The following CHRM5 variants were observed in gnomAD, a reference collection of about 807,000 sequenced individuals.
CHRM5 encodes the protein muscarinic acetylcholine receptor M5.
A neutral mutation model predicts 39.0 loss-of-function variants in CHRM5; 18 were observed. That is an observed-to-expected ratio of 0.46 (90% CI 0.32 to 0.68). The LOEUF is 0.68. Among genes scored for constraint, CHRM5 ranks in the 30% least tolerant of loss-of-function variants. The pLI is 0.04. For synonymous variants in CHRM5, 241 were observed against 246.3 expected (o/e 0.98, Z 0.20); for missense variants, 515 against 651.1 (o/e 0.79, Z 2.28).
At chr15:33,994,584 A>G (rs1457484417) in intron 1 of CHRM5, among the ~76,000 whole-genome samples, 1 of 152,216 alleles carries the variant, frequency 6.6e-6, no homozygotes, top group Non-Finnish European at 1.5e-5. Context: ...CCTCTGCTCT[A>G]GAGTATCCTT....
At chr15:34,004,860 C>A (rs908449301) in intron 1 of CHRM5, among the ~76,000 whole-genome samples, 1 of 151,966 alleles carries the variant, frequency 6.6e-6, no homozygotes, top group South Asian at 2.1e-4. Flanking sequence ...CATGTAGAAT[C>A]TAAAGACATG....
intron 2 of CHRM5, 91 bp from the exon 3 acceptor site, chr15:34,062,551 TC>T: frequency 4.5e-6 from 2 of 441,094 alleles, no homozygotes; most frequent in Non-Finnish European, 7.4e-6. Context: ...CGAGATTCTG[TC>T]TCAAAAAAAA....
chr15:33,981,236 T>C (rs1896129972), intron 1 of CHRM5, among the ~76,000 whole-genome samples: 1 of 152,242 alleles, frequency 6.6e-6, no homozygotes, highest in African/African-American at 2.4e-5. Context: ...ATGAATTTCA[T>C]TTCACTTTCC....
At chr15:34,009,730 G>A (rs978989322) in intron 1 of CHRM5, among the ~76,000 whole-genome samples, 2 of 152,144 alleles carry the variant, frequency 1.3e-5, no homozygotes, top group Non-Finnish European at 2.9e-5. Flanking sequence ...GTTCATGCCT[G>A]TAATCCCAAT....
intron 1 of CHRM5, among the ~76,000 whole-genome samples, chr15:34,011,483 T>C (rs754574409): frequency 6.6e-6 from 1 of 152,172 alleles, no homozygotes; most frequent in East Asian, 1.9e-4. Flanking sequence ...TAATAAATAA[T>C]TGGGCTCCAA....
At chr15:34,000,550 C>T (rs1224493654) in intron 1 of CHRM5, among the ~76,000 whole-genome samples, 5 of 152,184 alleles carry the variant, frequency 3.3e-5, no homozygotes, top group Admixed American at 3.3e-4. Flanking sequence ...TATTTTTTCT[C>T]AGTTGTCTAT....
chr15:34,039,986 C>T (rs1218531719), intron 1 of CHRM5, among the ~76,000 whole-genome samples: 1 of 152,184 alleles, frequency 6.6e-6, no homozygotes, highest in Non-Finnish European at 1.5e-5. Context: ...TAACTTGGGA[C>T]TGAAACCACC....
intron 2 of CHRM5, among the ~76,000 whole-genome samples, chr15:34,051,794 A>G (rs565931198): frequency 1.8e-4 from 27 of 152,240 alleles, no homozygotes; most frequent in African/African-American, 6.3e-4. Context: ...ACCAAGAAGA[A>G]ACTGAATCCC....
rs200634273 is a variant in CHRM5 at position 34,063,141 on chromosome 15, C to T, written c.424C>T (p.Arg142Cys). 2.8e-5 allele frequency: 45 copies of T among 1,614,166 alleles called. No homozygotes were observed. The highest frequency in any genetic ancestry group is 1.4e-4 in the South Asian group (13 of 91,078). ...AAGACCCTTGACATATCGGGCCAAG[C>T]GTACTCCGAAAAGGGCTGGCATCAT... ...ITRPLTYRAK[R>C]TPKRAGIMIG... The change falls in exon 3 of 3, where the codon CGT becomes TGT. Residue 142 changes from arginine (R) to cysteine (C), a missense_variant. Transcript: ENST00000383263. This position sits in a 1 kb window ranked among gnomAD's most constrained non-coding sequence, Gnocchi z 4.1.
chr15:34,037,673 A>G (rs1315690540), intron 1 of CHRM5, among the ~76,000 whole-genome samples: 2 of 151,648 alleles, frequency 1.3e-5, no homozygotes, highest in Non-Finnish European at 2.9e-5. Context: ...TGACCCTAAA[A>G]ATGTTTTTAT....
intron 1 of CHRM5, among the ~76,000 whole-genome samples, chr15:33,987,499 G>A (rs906378374): frequency 3.9e-5 from 6 of 152,080 alleles, no homozygotes; most frequent in African/African-American, 7.2e-5. Context: ...CTCAGATTAC[G>A]CTCCACTCTC....
intron 1 of CHRM5, among the ~76,000 whole-genome samples, chr15:34,004,894 T>A (rs1252923443): frequency 6.6e-6 from 1 of 152,058 alleles, no homozygotes; most frequent in East Asian, 1.9e-4. Flanking sequence ...TCCCAAACAT[T>A]ACAAAATCCT....
rs182706056 is a variant in CHRM5 at position 34,042,887 on chromosome 15, C to T, written c.-407-3653C>T. On this transcript the variant is annotated intron_variant, in intron 1 of 2. Transcript: ENST00000383263. ...CTGCCAGTTGATTCTGATGCATCCT[C>T]AACTACTGTGTCAAGGTAGCATCTG... Among the ~76,000 whole-genome samples the T allele has an allele frequency of 5.3e-5, 8 of 152,238 alleles. No homozygotes were observed. The East Asian group carries it at 1.4e-3, about 26-fold the overall frequency.
chr15:34,016,161 A>T (rs1241312946), intron 1 of CHRM5, among the ~76,000 whole-genome samples: 2 of 152,178 alleles, frequency 1.3e-5, no homozygotes, highest in East Asian at 3.9e-4. Flanking sequence ...CTGTAATTCC[A>T]GCTACTCGGT....
intron 2 of CHRM5, among the ~76,000 whole-genome samples, chr15:34,050,347 A>G (rs375262389): frequency 1.3e-5 from 2 of 152,324 alleles, no homozygotes; most frequent in African/African-American, 4.8e-5. Context: ...AAGCTTCCAT[A>G]TTAAGCACTA....
At chr15:34,027,904 G>A (rs960688162) in intron 1 of CHRM5, among the ~76,000 whole-genome samples, 1 of 151,998 alleles carries the variant, frequency 6.6e-6, no homozygotes. Flanking sequence ...ATTGTAGAAC[G>A]TTGACATTAC....
chr15:34,033,286 G>A (rs1364810147), intron 1 of CHRM5, among the ~76,000 whole-genome samples: 6 of 152,116 alleles, frequency 3.9e-5, no homozygotes, highest in Non-Finnish European at 8.8e-5. Flanking sequence ...CGGGCGGACT[G>A]CCTGACCTCA....
At chr15:34,047,635 T>C (rs1370753670) in intron 2 of CHRM5, among the ~76,000 whole-genome samples, 6 of 152,178 alleles carry the variant, frequency 3.9e-5, no homozygotes, top group Non-Finnish European at 8.8e-5. Flanking sequence ...TTCAGTTGAC[T>C]CAGCCATTCT....
chr15:34,030,509 CT>C (rs1486735542), intron 1 of CHRM5, among the ~76,000 whole-genome samples: 1 of 152,014 alleles, frequency 6.6e-6, no homozygotes, highest in Non-Finnish European at 1.5e-5. Flanking sequence ...CCTCGCCCGG[CT>C]AATTTTTTTG....
Sources: gnomAD v4.1 joint callset for allele counts (sites outside exome capture counted in the v4.1 genomes callset) on GRCh38, gnomAD v4.1.1 for gene constraint, Gnocchi (gnomAD v3.1) non-coding constraint, MANE v1.5 for transcripts, NCBI Gene and HGNC (gene_info 2026-07-23, HGNC 2026-07-21) for gene names.